MAP3K11: variants seen among roughly 807,000 people sequenced by gnomAD.
MAP3K11 encodes mitogen-activated protein kinase kinase kinase 11.
MAP3K11 carries 46 observed loss-of-function variants against 84.9 expected under a neutral mutation model. The ratio of observed to expected loss-of-function variants is 0.54; its 90% confidence interval spans 0.43 to 0.69. The LOEUF is 0.69. Among genes scored for constraint, MAP3K11 ranks in the 30% least tolerant of loss-of-function variants. The probability of loss-of-function intolerance (pLI) is 0.00; values close to 1 mark genes in which losing one functional copy is unlikely to be tolerated. For synonymous variants in MAP3K11, 527 were observed against 514.7 expected (o/e 1.02, Z -0.32); for missense variants, 1,053 against 1,198.3 (o/e 0.88, Z 1.79).
chr11:65,610,665 A>G (rs1854562223), intron 1 of MAP3K11: 1 of 152,276 alleles, frequency 6.6e-6, no homozygotes, highest in African/African-American at 2.4e-5. Flanking sequence ...CCCTTTGAAG[A>G]CCAACACTTG....
chr11:65,608,619 C>CA, intron 1 of MAP3K11, 171 bp from the exon 2 acceptor site: 2 of 499,278 alleles, frequency 4.0e-6, no homozygotes, highest in Non-Finnish European at 7.1e-6. Flanking sequence ...TTTTCTTTTC[C>CA]TTTTTTTTTT....
At position 65,607,008 on chromosome 11, in the gene MAP3K11, C is replaced by T. The variant is rs532515949; in HGVS notation, c.1490-204G>A. 20 of 590,388 alleles carry T rather than the reference C, an allele frequency of 3.4e-5. No individual in the cohort carries two copies. The African/African-American group carries it at 4.0e-4, about 12-fold the overall frequency. The allele number at this position is 590,388 out of a possible 1,614,324, so 36.6% of individuals were successfully genotyped here. The stretch of plus-strand genomic sequence containing the variant: ...CGTCTGAGTCGGAGATGCCCTGGCG[C>T]CGGCCGGCCCCGCCCACTAGACCTT... On this transcript the variant is annotated intron_variant, in intron 5 of 9. Transcript: ENST00000309100.
intron 1 of MAP3K11, 83 bp from the exon 2 acceptor site, chr11:65,608,531 G>A (rs1590857551): frequency 3.8e-6 from 5 of 1,329,054 alleles, no homozygotes; most frequent in Admixed American, 1.9e-5. Flanking sequence ...CTCATCTGAC[G>A]GACATCCTGG....
intron 1 of MAP3K11, 163 bp downstream of exon 1, chr11:65,612,855 C>G: frequency 1.4e-6 from 1 of 692,928 alleles, no homozygotes; most frequent in Non-Finnish European, 2.1e-6. Flanking sequence ...GCCTGGGGCT[C>G]TGTTTGGGGG....
chr11:65,613,972 G>A lies in MAP3K11; in HGVS notation c.-216C>T. On this transcript the variant is annotated 5_prime_UTR_variant, in exon 1 of 10. Coordinates refer to ENST00000309100, the MANE Select transcript of MAP3K11 (RefSeq NM_002419.4). ...AGGGCACCCAGGGCAGTGTGGTCAG[G>A]CCGGGGGGGTGGGGCCCCGGGGCCT... 1 of 608,486 alleles carries A rather than the reference G, an allele frequency of 1.6e-6. No homozygotes were observed. The highest frequency in any genetic ancestry group is 2.7e-6 in the Non-Finnish European group (1 of 367,618). The allele number at this position is 608,486 out of a possible 1,614,324, so 37.7% of individuals were successfully genotyped here. A position where few individuals can be genotyped will look rare whatever the true frequency, so the allele number is the denominator to read the frequency against.
intron 8 of MAP3K11, among the ~76,000 whole-genome samples, chr11:65,602,368 G>T (rs572463673): frequency 3.3e-5 from 5 of 152,126 alleles, no homozygotes; most frequent in African/African-American, 1.2e-4. Context: ...AAATTAGGCC[G>T]GGCATGGTGG....
At chr11:65,598,751 A>C in intron 9 of MAP3K11, 123 bp from the exon 10 acceptor site, 1 of 652,366 alleles carries the variant, frequency 1.5e-6, no homozygotes, top group Non-Finnish European at 2.4e-6. Flanking sequence ...CTCAACTTCC[A>C]CCGCCCTTCC....
rs766033369 is a variant in MAP3K11 at position 65,605,930 on chromosome 11, G to C, written c.1739+16C>G. On this transcript the variant is annotated intron_variant, in intron 7 of 9. Transcript: ENST00000309100. ...AAGCAAATGATGCTGGGTCTGGGGG[G>C]CACTCAGGTACTCACCTCCCATTCT... The C allele has an allele frequency of 6.2e-7, 1 of 1,605,930 alleles. No individual in the cohort carries two copies. Among genetic ancestry groups the C allele is most frequent in the Admixed American group, 1.7e-5 (1 of 58,550 alleles).
chr11:65,610,552 G>A (rs1408270300), intron 1 of MAP3K11: 1 of 152,252 alleles, frequency 6.6e-6, no homozygotes, highest in Non-Finnish European at 1.5e-5. Flanking sequence ...TGAGCATTTA[G>A]CAAGCCCCCG....
rs1054940260 is a variant in MAP3K11, at chr11:65,613,841, C to A, written c.-85G>T. On this transcript the variant is annotated 5_prime_UTR_variant, in exon 1 of 10. Coordinates refer to ENST00000309100, the MANE Select transcript of MAP3K11 (RefSeq NM_002419.4). ...CCCCGCTGGCTGCCAAGGCCCTAGTCCCGGAACCTGGGCATCCGGGCCCTG... is the reference window on the plus strand; with the variant it reads ...CCCCGCTGGCTGCCAAGGCCCTAGTACCGGAACCTGGGCATCCGGGCCCTG... 1.4e-6 allele frequency: 2 copies of A among 1,411,998 alleles called. No individual in the cohort carries two copies. Among genetic ancestry groups the A allele is most frequent in the Admixed American group, 5.5e-5 (2 of 36,196 alleles). The allele number at this position is 1,411,998 out of a possible 1,614,324, so 87.5% of individuals were successfully genotyped here.
At chr11:65,612,913 T>G in intron 1 of MAP3K11, 105 bp downstream of exon 1, 1 of 1,345,536 alleles carries the variant, frequency 7.4e-7, no homozygotes, top group Non-Finnish European at 9.7e-7. Flanking sequence ...CCCCCTAGGG[T>G]GGGAGCTCCT....
intron 9 of MAP3K11, among the ~76,000 whole-genome samples, chr11:65,598,838 G>A (rs930574991): frequency 2.0e-5 from 3 of 152,136 alleles, no homozygotes; most frequent in African/African-American, 4.8e-5. Context: ...TGTGGATCCC[G>A]GCCCTGCCAC....
In MAP3K11 at chr11:65,598,316, G is replaced by A. The variant is rs373717045; in HGVS notation, c.2519C>T (p.Pro840Leu). The A allele has an allele frequency of 3.1e-5, 45 of 1,475,386 alleles. No homozygotes were observed. Among genetic ancestry groups the A allele is most frequent in the African/African-American group, 4.3e-5 (3 of 70,286 alleles). The allele number at this position is 1,475,386 out of a possible 1,614,324, so 91.4% of individuals were successfully genotyped here. A position where few individuals can be genotyped will look rare whatever the true frequency, so the allele number is the denominator to read the frequency against. The change falls in exon 10 of 10, where the codon CCG (proline) becomes CTG (leucine). Residue 840 changes from proline to leucine, a missense_variant. Coordinates refer to ENST00000309100, the MANE Select transcript of MAP3K11 (RefSeq NM_002419.4). ...TCAAGGCCCCGCTTCCGGCACCCAC[G>A]GGGCCTGGGCACCCATGTCTTTGGT... Reference protein sequence around the residue: ...AQTKDMGAQAPWVPEAGP With the variant: ...AQTKDMGAQALWVPEAGP
chr11:65,613,867 G>A lies in MAP3K11; in HGVS notation c.-111C>T. ...CCGGAACCTGGGCATCCGGGCCCTG[G>A]CCCTCAGCCCCAGACCCACGCCTCT... On this transcript the variant is annotated 5_prime_UTR_variant, in exon 1 of 10. Transcript: ENST00000309100. 1 of 1,243,370 alleles carries A rather than the reference G, an allele frequency of 8.0e-7. No homozygotes were observed. The highest frequency in any genetic ancestry group is 1.6e-5 in the South Asian group (1 of 63,812). 77.0% of individuals were successfully genotyped at this position (1,243,370 alleles called of 1,614,324 possible). A position where few individuals can be genotyped will look rare whatever the true frequency, so the allele number is the denominator to read the frequency against.
chr11:65,598,440 G>A lies in MAP3K11; in HGVS notation c.2395C>T (p.Arg799Cys), dbSNP rs375614171. The A allele has an allele frequency of 2.0e-5, 32 of 1,609,062 alleles. No homozygotes were observed. Among genetic ancestry groups the A allele is most frequent in the African/African-American group, 4.0e-5 (3 of 74,850 alleles). Residue 799 changes from arginine (R) to cysteine (C), a missense_variant, in exon 10 of 10, where the codon CGC (arginine) becomes TGC (cysteine). Arg to Cys is a radical substitution (Grantham distance 180). This residue lies in a region of MAP3K11 where 583 missense variants were observed against 566.6 expected (regional missense o/e 1.03). Transcript: ENST00000309100. ...SPLPSPQPAP[R>C]RAPWTLFPDS... The stretch of plus-strand genomic sequence containing the variant: ...GGGAACAAGGTCCAGGGTGCTCGGC[G>A]GGGTGCAGGCTGTGGTGATGGCAGG...
At position 65,613,590 on chromosome 11, in the gene MAP3K11, C is replaced by T. The variant is rs1179646952; in HGVS notation, c.167G>A (p.Gly56Glu). Residue 56 changes from glycine (G) to glutamate (E), a missense_variant, in exon 1 of 10, where the codon GGG becomes GAG. By Grantham distance (98) the Gly-to-Glu change is moderately conservative. Coordinates refer to ENST00000309100, the MANE Select transcript of MAP3K11 (RefSeq NM_002419.4). ...CTTCCTCAGGGCCAGCTCATCCTGC[C>T]CACTGGGCTCGTAGTCGAACAGGGC... The part of the protein sequence containing the change: ...WTALFDYEPS[G>E]QDELALRKGD... The T allele has an allele frequency of 6.8e-6, 11 of 1,613,016 alleles. No homozygotes were observed. The highest frequency in any genetic ancestry group is 1.3e-5 in the African/African-American group (1 of 74,936).
rs1854598222 is a variant in MAP3K11, at chr11:65,613,217, C to T, written c.540G>A (p.Lys180=). The change falls in exon 1 of 10, where the codon AAG becomes AAA. Residue 180 remains lysine, a synonymous_variant. Transcript: ENST00000309100. The part of the protein sequence containing the change: ...MLAHPNIIAL[K]AVCLEEPNLC... ...GGTTGGGCTCCTCCAGGCACACAGCCTTGAGGGCAATGATGTTGGGGTGTG... is the reference window on the plus strand; with the variant it reads ...GGTTGGGCTCCTCCAGGCACACAGCTTTGAGGGCAATGATGTTGGGGTGTG... The T allele has an allele frequency of 2.5e-6, 4 of 1,595,322 alleles. No homozygotes were observed. The highest frequency in any genetic ancestry group is 3.4e-5 in the Admixed American group (2 of 59,182).
Position 65,613,881 on chromosome 11 carries a change from A to AGAGGCGTGGGTCTGGGG in MAP3K11, c.-126_-125insCCCCAGACCCACGCCTC. ...TCCGGGCCCTGGCCCTCAGCCCCAG[A>AGAGGCGTGGGTCTGGGG]CCCACGCCTCTCTGGGGAGCCAGGA... On this transcript the variant is annotated 5_prime_UTR_variant, in exon 1 of 10. An upstream open reading frame in the 5' UTR loses its in-frame stop. Transcript: ENST00000309100. The AGAGGCGTGGGTCTGGGG allele has an allele frequency of 2.7e-6, 3 of 1,093,490 alleles. No individual in the cohort carries two copies. The highest frequency in any genetic ancestry group is 3.8e-6 in the Non-Finnish European group (3 of 791,654). The allele number at this position is 1,093,490 out of a possible 1,614,324, so 67.7% of individuals were successfully genotyped here.
chr11:65,599,751 T>G lies in MAP3K11; in HGVS notation c.1849A>C (p.Ser617Arg), dbSNP rs758121140. The G allele has an allele frequency of 2.4e-5, 39 of 1,593,058 alleles. No homozygotes were observed. Among genetic ancestry groups the G allele is most frequent in the Non-Finnish European group, 3.2e-5 (38 of 1,177,510 alleles). The change falls in exon 9 of 10, where the codon AGC becomes CGC. Residue 617 changes from serine (S) to arginine (R), a missense_variant. Coordinates refer to ENST00000309100, the MANE Select transcript of MAP3K11 (RefSeq NM_002419.4). ...PALNGNPPRP[S>R]LEPEEPKRPV... ...CTCTTGGGCTCCTCGGGCTCCAGGC[T>G]AGGCCGCGGGGGGTTACCTGCGGGC...
Sources: allele counts gnomAD v4.1 joint callset (sites outside exome capture counted in the v4.1 genomes callset), GRCh38; gene constraint gnomAD v4.1.1; regional missense constraint gnomAD v4.1.1; transcripts MANE v1.5; gene names NCBI Gene and HGNC (gene_info 2026-07-23, HGNC 2026-07-21).